The following POU3F2 variants were observed in gnomAD, a reference collection of about 807,000 sequenced individuals.
POU3F2 encodes POU class 3 homeobox 2, also known as POU domain, class 3, transcription factor 2.
POU3F2 carries 11 observed loss-of-function variants against 33.1 expected under a neutral mutation model. The observed-to-expected ratio is 0.33, with a 90% CI of 0.21 to 0.55. POU3F2 has a LOEUF of 0.55. Among genes scored for constraint, POU3F2 ranks in the 20% least tolerant of loss-of-function variants. The pLI, the probability that POU3F2 is intolerant of heterozygous loss-of-function variation, is 0.91. For synonymous variants in POU3F2, 332 were observed against 289.6 expected (o/e 1.15, Z -1.49); for missense variants, 456 against 620.2 (o/e 0.74, Z 2.81).
At position 98,835,371 on chromosome 6, in the gene POU3F2, G is replaced by C; in HGVS notation, c.498G>C (p.Gly166=). The C allele has an allele frequency of 6.4e-7, 1 of 1,562,786 alleles. No individual in the cohort carries two copies. Among genetic ancestry groups the C allele is most frequent in the Non-Finnish European group, 8.7e-7 (1 of 1,155,884 alleles). Residue 166 remains glycine, a synonymous_variant, in exon 1 of 1, where the codon GGG becomes GGC. Coordinates refer to ENST00000328345, the MANE Select transcript of POU3F2 (RefSeq NM_005604.4). This position sits in a 1 kb window ranked among gnomAD's most constrained non-coding sequence, Gnocchi z 9.7. ...CCGCTAACCACCACCCGGGACCCGGGGCATGGCGGAGCGCGGCGGCTGCAG... is the reference window on the plus strand; with the variant it reads ...CCGCTAACCACCACCCGGGACCCGGCGCATGGCGGAGCGCGGCGGCTGCAG... ...HHAANHHPGP[G]AWRSAAAAAH...
At position 98,835,560 on chromosome 6, in the gene POU3F2, G is replaced by T. The variant is rs1170099940; in HGVS notation, c.687G>T (p.Pro229=). The change falls in exon 1 of 1, where the codon CCG becomes CCT. Residue 229 remains proline (P), a synonymous_variant. Transcript: ENST00000328345. The surrounding 1 kb of genome is among the most constrained non-coding windows in gnomAD (Gnocchi z 9.7). ...AGCCACACCATGCCGACCACCACCC[G>T]CACCCGCACTCGCACCCACACCAGC... ...HDEPHHADHH[P]HPHSHPHQQP... 2 of 1,591,384 alleles carry T rather than the reference G, an allele frequency of 1.3e-6. No homozygotes were observed. Among genetic ancestry groups the T allele is most frequent in the African/African-American group, 1.3e-5 (1 of 74,704 alleles).
Position 98,836,429 on chromosome 6 carries a change from G to A in POU3F2, c.*224G>A, listed in dbSNP as rs796934132. The A allele has an allele frequency of 1.9e-6, 1 of 536,494 alleles. No individual in the cohort carries two copies. Among genetic ancestry groups the A allele is most frequent in the South Asian group, 3.6e-5 (1 of 28,034 alleles). The allele number at this position is 536,494 out of a possible 1,614,324, so 33.2% of individuals were successfully genotyped here. On this transcript the variant is annotated 3_prime_UTR_variant, in exon 1 of 1. Transcript: ENST00000328345. ...GGTGTAATGATGTGTTTTGACCTTT[G>A]CAGGCGAGTAACCAGGCAATGGAGT...
chr6:98,836,152 G>A lies in POU3F2; in HGVS notation c.1279G>A (p.Gly427Arg). The A allele has an allele frequency of 6.2e-7, 1 of 1,602,308 alleles. No homozygotes were observed. Among genetic ancestry groups the A allele is most frequent in the Non-Finnish European group, 8.5e-7 (1 of 1,177,218 alleles). The change falls in exon 1 of 1, where the codon GGG becomes AGG. Residue 427 changes from glycine (G) to arginine (R), a missense_variant. By Grantham distance (125) the Gly-to-Arg change is moderately radical. This residue lies in a region of POU3F2 where 46 missense variants were observed against 45.6 expected (regional missense o/e 1.01). Transcript: ENST00000328345. Reference protein sequence around the residue: ...GTLPGAEDVYGGSRDTPPHHG... With the variant: ...GTLPGAEDVYRGSRDTPPHHG... ...TCTGCCGGGCGCCGAGGATGTGTAC[G>A]GGGGGAGTAGGGACACTCCACCACA... is the stretch of plus-strand genomic sequence containing the variant.
At position 98,835,576 on chromosome 6, in the gene POU3F2, C is replaced by T; in HGVS notation, c.703C>T (p.Pro235Ser). The T allele has an allele frequency of 6.2e-7, 1 of 1,600,364 alleles. No homozygotes were observed. Among genetic ancestry groups the T allele is most frequent in the Non-Finnish European group, 8.5e-7 (1 of 1,176,050 alleles). Residue 235 changes from proline (P) to serine (S), a missense_variant, in exon 1 of 1, where the codon CCA (proline) becomes TCA (serine). Physicochemically the swap from Pro to Ser is moderately conservative, Grantham distance 74 (BLOSUM62 -1). Coordinates refer to ENST00000328345, the MANE Select transcript of POU3F2 (RefSeq NM_005604.4). The surrounding 1 kb of genome is among the most constrained non-coding windows in gnomAD (Gnocchi z 9.7). ...ADHHPHPHSH[P>S]HQQPPPPPPP... The stretch of plus-strand genomic sequence containing the variant: ...CCACCACCCGCACCCGCACTCGCAC[C>T]CACACCAGCAGCCGCCGCCCCCGCC...
chr6:98,834,867 G>C lies in POU3F2; in HGVS notation c.-7G>C. 1 of 1,596,530 alleles carries C rather than the reference G, an allele frequency of 6.3e-7. No individual in the cohort carries two copies. Among genetic ancestry groups the C allele is most frequent in the Admixed American group, 1.7e-5 (1 of 59,884 alleles). On this transcript the variant is annotated 5_prime_UTR_variant, in exon 1 of 1. Coordinates refer to ENST00000328345, the MANE Select transcript of POU3F2 (RefSeq NM_005604.4). ...TAACCGGAGCGCTCAGTCCGGCTCC[G>C]AGAGTCATGGCGACCGCAGCGTCTA...
chr6:98,836,009 C>T lies in POU3F2; in HGVS notation c.1136C>T (p.Pro379Leu). The change falls in exon 1 of 1, where the codon CCC becomes CTC. Residue 379 changes from proline (P) to leucine (L), a missense_variant. Pro to Leu is a moderately conservative substitution (Grantham distance 98). Coordinates refer to ENST00000328345, the MANE Select transcript of POU3F2 (RefSeq NM_005604.4). ...LESHFLKCPK[P>L]SAQEITSLAD... Reference sequence around the variant, plus strand: ...AGCCATTTCCTCAAATGCCCCAAGCCCTCGGCCCAGGAGATCACCTCCCTC... The same window carrying T: ...AGCCATTTCCTCAAATGCCCCAAGCTCTCGGCCCAGGAGATCACCTCCCTC... 1 of 1,612,932 alleles carries T rather than the reference C, an allele frequency of 6.2e-7. No homozygotes were observed. The highest frequency in any genetic ancestry group is 8.5e-7 in the Non-Finnish European group (1 of 1,179,690).
In POU3F2 at chr6:98,835,125, C is replaced by T; in HGVS notation, c.252C>T (p.Gly84=). ...GCGGCGGGGGGGGCGGGGGCGGCGG[C>T]GGGGGCGGCGGCGACGGCTCCCCGT... is the stretch of plus-strand genomic sequence containing the variant. ...GGGGGGGGGG[G]GGGGDGSPWS... The change falls in exon 1 of 1, where the codon GGC becomes GGT. Residue 84 remains glycine (G), a synonymous_variant. Transcript: ENST00000328345. This position sits in a 1 kb window ranked among gnomAD's most constrained non-coding sequence, Gnocchi z 9.7. The T allele has an allele frequency of 1.7e-6, 2 of 1,188,972 alleles. No homozygotes were observed. Among genetic ancestry groups the T allele is most frequent in the Non-Finnish European group, 2.1e-6 (2 of 961,620 alleles). 73.7% of individuals were successfully genotyped at this position (1,188,972 alleles called of 1,614,324 possible).
rs935987796 is a variant in POU3F2, at chr6:98,834,633, A to C, written c.-241A>C. On this transcript the variant is annotated 5_prime_UTR_variant, in exon 1 of 1. Transcript: ENST00000328345. ...CCGAGCTAGTCAGAGAGTGAGCGAG[A>C]GCGAGAAGGAGGGAGAGGAGGAGAA... 1 of 547,574 alleles carries C rather than the reference A, an allele frequency of 1.8e-6. No individual in the cohort carries two copies. Among genetic ancestry groups the C allele is most frequent in the Non-Finnish European group, 3.3e-6 (1 of 306,942 alleles). The allele number at this position is 547,574 out of a possible 1,614,324, so 33.9% of individuals were successfully genotyped here. A position where few individuals can be genotyped will look rare whatever the true frequency, so the allele number is the denominator to read the frequency against.
In POU3F2 at chr6:98,836,046, A is replaced by G. The variant is rs1562201965; in HGVS notation, c.1173A>G (p.Leu391=). Residue 391 remains leucine (L), a synonymous_variant, in exon 1 of 1, where the codon TTA becomes TTG. Transcript: ENST00000328345. ...AQEITSLADS[L]QLEKEVVRVW... The stretch of plus-strand genomic sequence containing the variant: ...AGATCACCTCCCTCGCGGACAGCTT[A>G]CAGCTGGAGAAGGAGGTGGTGAGAG... 4 of 1,606,626 alleles carry G rather than the reference A, an allele frequency of 2.5e-6. No homozygotes were observed. Among genetic ancestry groups the G allele is most frequent in the Non-Finnish European group, 3.4e-6 (4 of 1,178,124 alleles).
Position 98,836,519 on chromosome 6 carries a change from T to C in POU3F2, c.*314T>C, listed in dbSNP as rs1582335395. ...CTAGAAAGAGAGAGAGACAGAGAGATGGCAAGCACTGAGATAAATACCTGG... is the reference window on the plus strand; with the variant it reads ...CTAGAAAGAGAGAGAGACAGAGAGACGGCAAGCACTGAGATAAATACCTGG... On this transcript the variant is annotated 3_prime_UTR_variant, in exon 1 of 1. Transcript: ENST00000328345. 1 of 269,226 alleles carries C rather than the reference T, an allele frequency of 3.7e-6. No individual in the cohort carries two copies. Among genetic ancestry groups the C allele is most frequent in the Non-Finnish European group, 7.4e-6 (1 of 135,970 alleles). 16.7% of individuals were successfully genotyped at this position (269,226 alleles called of 1,614,324 possible).
chr6:98,836,391 T>C lies in POU3F2; in HGVS notation c.*186T>C. On this transcript the variant is annotated 3_prime_UTR_variant, in exon 1 of 1. Coordinates refer to ENST00000328345, the MANE Select transcript of POU3F2 (RefSeq NM_005604.4). ...AAGCAACTAAGACACTGGACTATCC[T>C]TTAAAGGTAGCAGGTGTAATGATGT... 1 of 721,012 alleles carries C rather than the reference T, an allele frequency of 1.4e-6. No individual in the cohort carries two copies. Among genetic ancestry groups the C allele is most frequent in the Non-Finnish European group, 2.2e-6 (1 of 464,308 alleles). The allele number at this position is 721,012 out of a possible 1,614,324, so 44.7% of individuals were successfully genotyped here.
chr6:98,837,998 C>T lies in POU3F2; in HGVS notation c.*1793C>T, dbSNP rs1438713110. ...TTTTAAAAAATGAAAGTCTCACTAC[C>T]ATAAAATTATGGTTCAGCATCAGAT... On this transcript the variant is annotated 3_prime_UTR_variant, in exon 1 of 1. Transcript: ENST00000328345. 1 of 166,852 alleles carries T rather than the reference C, an allele frequency of 6.0e-6. No homozygotes were observed. Among genetic ancestry groups the T allele is most frequent in the Non-Finnish European group, 1.5e-5 (1 of 68,090 alleles). The allele number at this position is 166,852 out of a possible 1,614,324, so 10.3% of individuals were successfully genotyped here.
Position 98,839,086 on chromosome 6 carries a change from T to C in POU3F2, c.*2881T>C, listed in dbSNP as rs2128368349. The C allele has an allele frequency of 6.6e-6, 1 of 152,270 alleles. No individual in the cohort carries two copies. Among genetic ancestry groups the C allele is most frequent in the South Asian group, 2.1e-4 (1 of 4,816 alleles). 9.4% of individuals were successfully genotyped at this position (152,270 alleles called of 1,614,324 possible). Reference sequence around the variant, plus strand: ...TCTTTCAGTCACTATGCCTGTAGCATTAAATTGAAATGGTCATTGGGTTTG... The same window carrying C: ...TCTTTCAGTCACTATGCCTGTAGCACTAAATTGAAATGGTCATTGGGTTTG... On this transcript the variant is annotated 3_prime_UTR_variant, in exon 1 of 1. Coordinates refer to ENST00000328345, the MANE Select transcript of POU3F2 (RefSeq NM_005604.4).
chr6:98,835,551 C>A lies in POU3F2; in HGVS notation c.678C>A (p.Asp226Glu). Residue 226 changes from aspartate (D) to glutamate (E), a missense_variant, in exon 1 of 1, where the codon GAC becomes GAA. Transcript: ENST00000328345. The surrounding 1 kb of genome is among the most constrained non-coding windows in gnomAD (Gnocchi z 9.7). ...RDAHDEPHHA[D>E]HHPHPHSHPH... ...CGCACGACGAGCCACACCATGCCGA[C>A]CACCACCCGCACCCGCACTCGCACC... 6.3e-7 allele frequency: 1 copy of A among 1,588,244 alleles called. No homozygotes were observed. The highest frequency in any genetic ancestry group is 2.3e-5 in the East Asian group (1 of 44,064).
chr6:98,834,753 G>T lies in POU3F2; in HGVS notation c.-121G>T. On this transcript the variant is annotated 5_prime_UTR_variant, in exon 1 of 1. Transcript: ENST00000328345. ...AGGCGTCGGAGCGGGCGTCGGAGCT[G>T]CCCGCTGTGGGAGAGAGAGGAGACA... The T allele has an allele frequency of 8.6e-7, 1 of 1,168,600 alleles. No homozygotes were observed. Among genetic ancestry groups the T allele is most frequent in the Non-Finnish European group, 1.2e-6 (1 of 853,354 alleles). The allele number at this position is 1,168,600 out of a possible 1,614,324, so 72.4% of individuals were successfully genotyped here.
rs748117807 is a variant in POU3F2 at position 98,834,831 on chromosome 6, C to A, written c.-43C>A. On this transcript the variant is annotated 5_prime_UTR_variant, in exon 1 of 1. Transcript: ENST00000328345. ...GAGGCGAAAAAGTAACTGTCAAATG[C>A]GCGGCTCCTTTAACCGGAGCGCTCA... The A allele has an allele frequency of 6.4e-7, 1 of 1,573,692 alleles. No homozygotes were observed.
Position 98,834,684 on chromosome 6 carries a change from G to A in POU3F2, c.-190G>A. 1 of 638,162 alleles carries A rather than the reference G, an allele frequency of 1.6e-6. No individual in the cohort carries two copies. Among genetic ancestry groups the A allele is most frequent in the Non-Finnish European group, 2.6e-6 (1 of 379,212 alleles). 39.5% of individuals were successfully genotyped at this position (638,162 alleles called of 1,614,324 possible). On this transcript the variant is annotated 5_prime_UTR_variant, in exon 1 of 1. Transcript: ENST00000328345. ...AGAGAGCGAGGGCGGGCGGGAGGCG[G>A]CGGCGGCGGCAGCAGCAGCAGTAAT...
chr6:98,835,089 GGGCGGT>G lies in POU3F2; in HGVS notation c.222_227del (p.Gly87_Gly88del). 8.2e-7 allele frequency: 1 copy of G among 1,217,530 alleles called. No individual in the cohort carries two copies. Among genetic ancestry groups the G allele is most frequent in the Non-Finnish European group, 1.0e-6 (1 of 979,620 alleles). 75.4% of individuals were successfully genotyped at this position (1,217,530 alleles called of 1,614,324 possible). A position where few individuals can be genotyped will look rare whatever the true frequency, so the allele number is the denominator to read the frequency against. ...CGCTGTCCCACGGCGGCGGCGGCGG[GGGCGGT>G]GGCGGCGGCGGGGGGGGCGGGGGCG... On this transcript the variant is annotated inframe_deletion, in exon 1 of 1. Coordinates refer to ENST00000328345, the MANE Select transcript of POU3F2 (RefSeq NM_005604.4). The surrounding 1 kb of genome is among the most constrained non-coding windows in gnomAD (Gnocchi z 9.7).
At position 98,836,134 on chromosome 6, in the gene POU3F2, G is replaced by C; in HGVS notation, c.1261G>C (p.Gly421Arg). Residue 421 changes from glycine to arginine, a missense_variant, in exon 1 of 1, where the codon GGC becomes CGC. Physicochemically the swap from Gly to Arg is moderately radical, Grantham distance 125. Transcript: ENST00000328345. ...GACCCCTCCCGGAGGGACTCTGCCG[G>C]GCGCCGAGGATGTGTACGGGGGGAG... ...RMTPPGGTLP[G>R]AEDVYGGSRD... The C allele has an allele frequency of 6.2e-7, 1 of 1,605,228 alleles. No homozygotes were observed. The highest frequency in any genetic ancestry group is 8.5e-7 in the Non-Finnish European group (1 of 1,177,908).
Sources: allele counts gnomAD v4.1 joint callset, GRCh38; gene constraint gnomAD v4.1.1; regional missense constraint gnomAD v4.1.1; non-coding constraint Gnocchi (gnomAD v3.1); transcripts MANE v1.5; gene names NCBI Gene and HGNC (gene_info 2026-07-23, HGNC 2026-07-21).